Variants in USP32 observed in about 807,000 individuals in gnomAD.
USP32 encodes the protein ubiquitin carboxyl-terminal hydrolase 32.
In USP32, 59 loss-of-function variants were observed where a neutral mutation model predicts 204.8. The observed-to-expected ratio is 0.29, with a 90% CI of 0.23 to 0.36. USP32 has a LOEUF of 0.36. Among genes scored for constraint, USP32 ranks in the 10% least tolerant of loss-of-function variants. The pLI is 1.00. For synonymous variants in USP32, 517 were observed against 678.4 expected (o/e 0.76, Z 3.70); for missense variants, 1,160 against 1,946.4 (o/e 0.60, Z 7.60).
chr17:60,192,174 C>T (rs2084401070), intron 28 of USP32, among the ~76,000 whole-genome samples: 1 of 151,798 alleles, frequency 6.6e-6, no homozygotes, highest in Admixed American at 6.6e-5. Flanking sequence ...ACCTGTAGTC[C>T]CGGCTACTCG....
chr17:60,385,110 T>C (rs751200149), intron 1 of USP32, among the ~76,000 whole-genome samples: 26 of 152,192 alleles, frequency 1.7e-4, no homozygotes, highest in Non-Finnish European at 3.5e-4. Flanking sequence ...CATTCCACCA[T>C]TGTGATTTAT....
At chr17:60,222,665 T>G in intron 14 of USP32, 116 bp from the exon 15 acceptor site, 2 of 932,328 alleles carry the variant, frequency 2.1e-6, no homozygotes, top group Non-Finnish European at 3.1e-6. Flanking sequence ...TTCATGTTGC[T>G]GGAAAAACTT....
At chr17:60,263,017 T>A (rs1313037865) in intron 9 of USP32, among the ~76,000 whole-genome samples, 1 of 152,118 alleles carries the variant, frequency 6.6e-6, no homozygotes, top group Non-Finnish European at 1.5e-5. Flanking sequence ...GGTGTAATCA[T>A]GGCACACTGC....
intron 1 of USP32, among the ~76,000 whole-genome samples, chr17:60,388,159 T>C (rs950974992): frequency 3.3e-5 from 5 of 152,190 alleles, no homozygotes; most frequent in African/African-American, 1.2e-4. Flanking sequence ...TGACACACTA[T>C]AGTTCATCAC....
At chr17:60,222,372 A>G (rs1247978488) in intron 15 of USP32, 37 bp downstream of exon 15, 1 of 1,596,080 alleles carries the variant, frequency 6.3e-7, no homozygotes, top group South Asian at 1.1e-5. Context: ...CCCATCTATG[A>G]CTGCTCCTTA....
At chr17:60,341,622 C>T (rs1009907928) in intron 2 of USP32, among the ~76,000 whole-genome samples, 25 of 152,158 alleles carry the variant, frequency 1.6e-4, no homozygotes, top group African/African-American at 4.8e-4. Flanking sequence ...TTTTCTCTAA[C>T]CTTGTCTTCT....
At chr17:60,223,287 G>T in intron 14 of USP32, 124 bp downstream of exon 14, 1 of 750,330 alleles carries the variant, frequency 1.3e-6, no homozygotes, top group East Asian at 2.7e-5. Flanking sequence ...ACAAAGAGAT[G>T]TCCATCTATA....
Position 60,254,178 on chromosome 17 carries a change from G to A in USP32, c.1074+997C>T, listed in dbSNP as rs114265936. 1.4e-3 allele frequency among the ~76,000 whole-genome samples: 213 copies of A among 152,202 alleles called. 1 individual carries two copies. Among genetic ancestry groups the A allele is most frequent in the African/African-American group, 4.6e-3 (189 of 41,528 alleles). On this transcript the variant is annotated intron_variant, in intron 10 of 33. Coordinates refer to ENST00000300896, the MANE Select transcript of USP32 (RefSeq NM_032582.4). ...CTATTAAATCAAGTTAAATATTTGC[G>A]AATAACTATAAAAATGGGAAAATAT...
intron 7 of USP32, 28 bp downstream of exon 7, chr17:60,269,422 A>C: frequency 6.3e-7 from 1 of 1,578,632 alleles, no homozygotes. Flanking sequence ...ATAGTTTGCA[A>C]TTTTTTGACA....
intron 1 of USP32, among the ~76,000 whole-genome samples, chr17:60,355,316 A>C (rs1430560350): frequency 6.6e-6 from 1 of 152,180 alleles, no homozygotes; most frequent in Non-Finnish European, 1.5e-5. Context: ...GTCAACTTTC[A>C]TAGGTGATAG....
chr17:60,365,270 G>A (rs547965219), intron 1 of USP32, among the ~76,000 whole-genome samples: 6 of 152,154 alleles, frequency 3.9e-5, no homozygotes, highest in Non-Finnish European at 8.8e-5. Context: ...CATGAGGTTA[G>A]GAGTTAGAGA....
At chr17:60,298,252 A>C (rs1193246221) in intron 3 of USP32, among the ~76,000 whole-genome samples, 3 of 152,072 alleles carry the variant, frequency 2.0e-5, no homozygotes, top group African/African-American at 7.2e-5. Flanking sequence ...CAACTGGCCA[A>C]CCTCTTCAGC....
At chr17:60,316,126 G>T in intron 2 of USP32, 1 of 248,882 alleles carries the variant, frequency 4.0e-6, no homozygotes, top group South Asian at 4.3e-5. Flanking sequence ...CCTTTTTGAA[G>T]ACATCAACCA....
intron 12 of USP32, among the ~76,000 whole-genome samples, chr17:60,234,867 T>C (rs918340789): frequency 6.6e-5 from 10 of 152,066 alleles, no homozygotes; most frequent in African/African-American, 2.4e-4. Context: ...CCAGCCAGAC[T>C]TCATTCTTAA....
intron 11 of USP32, among the ~76,000 whole-genome samples, chr17:60,244,807 C>CT (rs1161637369): frequency 2.0e-5 from 3 of 152,134 alleles, no homozygotes; most frequent in Non-Finnish European, 2.9e-5. Flanking sequence ...AATTTTTGTA[C>CT]TTTGAGTAGA....
At chr17:60,385,835 T>C (rs1258860038) in intron 1 of USP32, among the ~76,000 whole-genome samples, 7 of 145,740 alleles carry the variant, frequency 4.8e-5, no homozygotes, top group African/African-American at 1.5e-4. Context: ...AGAGACTCTG[T>C]CTCAAAAAAA....
chr17:60,276,171 G>A (rs569974772), intron 5 of USP32, among the ~76,000 whole-genome samples: 1 of 152,148 alleles, frequency 6.6e-6, no homozygotes, highest in East Asian at 1.9e-4. Context: ...TTAAGTCTAG[G>A]GGTTTAGGAC....
chr17:60,393,260 G>A (rs2089870203), upstream of USP32, among the ~76,000 whole-genome samples: 2 of 152,102 alleles, frequency 1.3e-5, no homozygotes, highest in African/African-American at 2.4e-5. Flanking sequence ...TGCCTTCCAG[G>A]TTCATGGTGT....
chr17:60,248,466 CTTCT>C (rs1235625736), intron 11 of USP32, among the ~76,000 whole-genome samples: 1 of 152,012 alleles, frequency 6.6e-6, no homozygotes, highest in Non-Finnish European at 1.5e-5. Flanking sequence ...TCTTTCTTTC[CTTCT>C]GAGACTTTCA....
Sources: gnomAD v4.1 joint callset for allele counts (sites outside exome capture counted in the v4.1 genomes callset) on GRCh38, gnomAD v4.1.1 for gene constraint, MANE v1.5 for transcripts, NCBI Gene and HGNC (gene_info 2026-07-23, HGNC 2026-07-21) for gene names.